GNG4: variants seen among roughly 807,000 people sequenced by gnomAD.
GNG4 encodes the protein guanine nucleotide-binding protein G(I)/G(S)/G(O) subunit gamma-4.
GNG4 carries 4 observed loss-of-function variants against 5.8 expected under a neutral mutation model. That is an observed-to-expected ratio of 0.69 (90% CI 0.34 to 1.57). The LOEUF (loss-of-function observed/expected upper bound fraction) is 1.57, where lower values mean the gene tolerates loss of function less well. Ranked by LOEUF, GNG4 falls within the 40% of genes most tolerant of loss-of-function variation. The probability of loss-of-function intolerance (pLI) is 0.06; values close to 1 mark genes in which losing one functional copy is unlikely to be tolerated. For synonymous variants in GNG4, 29 were observed against 32.9 expected (o/e 0.88, Z 0.41); for missense variants, 96 against 95.1 (o/e 1.01, Z -0.04).
intron 2 of GNG4, among the ~76,000 whole-genome samples, chr1:235,592,416 G>A (rs1425261853): frequency 6.6e-6 from 1 of 152,178 alleles, no homozygotes; most frequent in East Asian, 1.9e-4. Flanking sequence ...AGCTGAGGCA[G>A]GAGAATTGCT....
intron 2 of GNG4, among the ~76,000 whole-genome samples, chr1:235,591,173 G>A (rs1310754523): frequency 2.0e-5 from 3 of 152,154 alleles, no homozygotes; most frequent in Non-Finnish European, 2.9e-5. Flanking sequence ...ATTTCCCAGC[G>A]CTCCTCAGCA....
In GNG4 at chr1:235,577,498, T is replaced by C. The variant is rs561867529; in HGVS notation, c.99+6242A>G. ...CTCTGTCACCCAGGCTGGAGTGCAA[T>C]GGTGCAATCTCAGCTCACTGCAACC... On this transcript the variant is annotated intron_variant, in intron 3 of 3. Transcript: ENST00000391854. 7.0e-4 allele frequency among the ~76,000 whole-genome samples: 107 copies of C among 152,202 alleles called. 1 individual carries two copies. The East Asian group carries it at 0.014, about 19-fold the overall frequency.
intron 2 of GNG4, among the ~76,000 whole-genome samples, chr1:235,586,776 C>T (rs1235071656): frequency 6.6e-6 from 1 of 152,198 alleles, no homozygotes; most frequent in Non-Finnish European, 1.5e-5. Context: ...TTCCTGAGGC[C>T]TCACCAGGAA....
intron 2 of GNG4, among the ~76,000 whole-genome samples, chr1:235,593,891 G>A (rs1370657567): frequency 6.6e-6 from 1 of 152,158 alleles, no homozygotes; most frequent in East Asian, 1.9e-4. Flanking sequence ...GTTGCAAAGA[G>A]CAAAAGAACA....
chr1:235,552,525 G>A (rs1362553940), intron 3 of GNG4, among the ~76,000 whole-genome samples: 1 of 152,200 alleles, frequency 6.6e-6, no homozygotes, highest in Non-Finnish European at 1.5e-5. Context: ...TCTCGAGTAG[G>A]TGAGGAGTGG....
chr1:235,582,031 A>G (rs1374720262), intron 3 of GNG4, among the ~76,000 whole-genome samples: 1 of 152,194 alleles, frequency 6.6e-6, no homozygotes, highest in Non-Finnish European at 1.5e-5. Context: ...GGGGCTTGAC[A>G]GCTGGATTCT....
rs1657583522 is a variant in GNG4 at position 235,648,848 on chromosome 1, G to C, written c.-123+814C>G. On this transcript the variant is annotated intron_variant, in intron 1 of 3. Coordinates refer to ENST00000391854, the MANE Select transcript of GNG4 (RefSeq NM_001098722.2). This position sits in a 1 kb window ranked among gnomAD's most constrained non-coding sequence, Gnocchi z 5.0. ...GCGTCCATCATCCACTTTATTACTT[G>C]ATCAAACTTTAACATTTTCGGGTTT... 6.6e-6 allele frequency among the ~76,000 whole-genome samples: 1 copy of C among 152,178 alleles called. No individual in the cohort carries two copies. Among genetic ancestry groups the C allele is most frequent in the Non-Finnish European group, 1.5e-5 (1 of 68,036 alleles).
At chr1:235,554,224 C>A (rs2102909724) in intron 3 of GNG4, among the ~76,000 whole-genome samples, 1 of 152,316 alleles carries the variant, frequency 6.6e-6, no homozygotes. Context: ...CCCTTGCTGC[C>A]ACCTTCTAAG....
At chr1:235,571,179 A>G (rs566063245) in intron 3 of GNG4, among the ~76,000 whole-genome samples, 185 of 152,282 alleles carry the variant, frequency 1.2e-3, no homozygotes, top group Admixed American at 2.5e-3. Context: ...AATTTAACAT[A>G]CAAAATTAGT....
intron 1 of GNG4, among the ~76,000 whole-genome samples, chr1:235,634,408 G>A (rs1178951975): frequency 1.3e-5 from 2 of 152,228 alleles, no homozygotes; most frequent in African/African-American, 4.8e-5. Flanking sequence ...GTGTGCTGGA[G>A]AGGGCTAAGT....
At chr1:235,558,315 T>C (rs754691576) in intron 3 of GNG4, among the ~76,000 whole-genome samples, 6 of 152,190 alleles carry the variant, frequency 3.9e-5, no homozygotes, top group Non-Finnish European at 8.8e-5. Flanking sequence ...AGCAAAATAG[T>C]CAAGGGAGTT....
intron 1 of GNG4, among the ~76,000 whole-genome samples, chr1:235,633,968 G>A (rs966365551): frequency 6.6e-6 from 1 of 152,212 alleles, no homozygotes; most frequent in Non-Finnish European, 1.5e-5. Flanking sequence ...GTGAGAAGCA[G>A]AAAAATAAAG....
At chr1:235,641,548 T>TG (rs1364319692) in intron 1 of GNG4, among the ~76,000 whole-genome samples, 5 of 152,020 alleles carry the variant, frequency 3.3e-5, no homozygotes, top group African/African-American at 1.2e-4. Flanking sequence ...AAAAATTAGC[T>TG]GGCGTGGTGG....
intron 3 of GNG4, among the ~76,000 whole-genome samples, chr1:235,566,458 C>A (rs1687199662): frequency 6.6e-6 from 1 of 152,228 alleles, no homozygotes; most frequent in Admixed American, 6.5e-5. Flanking sequence ...TCTCCCAACA[C>A]CTGTCCTGTC....
chr1:235,585,153 C>T (rs76971042), intron 2 of GNG4, among the ~76,000 whole-genome samples: 3,761 of 151,676 alleles, frequency 0.025, 134 homozygotes, highest in African/African-American at 0.08. Flanking sequence ...TCTGGTCTTC[C>T]TTCCTTCCCA....
chr1:235,565,304 C>T (rs1687167719), intron 3 of GNG4, among the ~76,000 whole-genome samples: 1 of 152,062 alleles, frequency 6.6e-6, no homozygotes, highest in Non-Finnish European at 1.5e-5. Flanking sequence ...AGTTCGAAAC[C>T]AGCCTGGCCA....
intron 1 of GNG4, among the ~76,000 whole-genome samples, chr1:235,613,789 C>T (rs1183281907): frequency 6.6e-6 from 1 of 152,156 alleles, no homozygotes; most frequent in Non-Finnish European, 1.5e-5. Flanking sequence ...GCTACGGCAG[C>T]AATACAGGGT....
chr1:235,608,812 T>C (rs892293785), intron 1 of GNG4, among the ~76,000 whole-genome samples: 4 of 151,986 alleles, frequency 2.6e-5, no homozygotes, highest in Non-Finnish European at 5.9e-5. Context: ...GCCTCCTGAG[T>C]AGCTGGGATT....
At chr1:235,585,780 A>G (rs1007621059) in intron 2 of GNG4, among the ~76,000 whole-genome samples, 3 of 152,146 alleles carry the variant, frequency 2.0e-5, no homozygotes, top group Non-Finnish European at 4.4e-5. Flanking sequence ...GTAAATGCAT[A>G]TTTACTTTTG....
Sources: allele counts gnomAD v4.1 joint callset (sites outside exome capture counted in the v4.1 genomes callset), GRCh38; gene constraint gnomAD v4.1.1; non-coding constraint Gnocchi (gnomAD v3.1); transcripts MANE v1.5; gene names NCBI Gene and HGNC (gene_info 2026-07-23, HGNC 2026-07-21).